Variants in BCL2L13 observed in about 807,000 individuals in gnomAD.
BCL2L13 encodes BCL2 like 13.
A neutral mutation model predicts 25.8 loss-of-function variants in BCL2L13; 13 were observed. That is an observed-to-expected ratio of 0.50 (90% CI 0.33 to 0.80). The LOEUF is 0.80. Among genes scored for constraint, BCL2L13 ranks in the 30% least tolerant of loss-of-function variants. BCL2L13 has a pLI of 0.02. For missense variants in BCL2L13, 504 were observed against 574.9 expected, an observed-to-expected ratio of 0.88 and a Z score of 1.26; for synonymous variants, 244 against 230.3, an observed-to-expected ratio of 1.06 and a Z score of -0.54.
chr22:17,714,311 G>T (rs1461252037), intron 6 of BCL2L13, among the ~76,000 whole-genome samples: 1 of 151,708 alleles, frequency 6.6e-6, no homozygotes, highest in Non-Finnish European at 1.5e-5. Context: ...AATTAGCCAG[G>T]TGTGATGGCG....
At chr22:17,646,972 T>C (rs1218797607) in intron 1 of BCL2L13, among the ~76,000 whole-genome samples, 7 of 112,474 alleles carry the variant, frequency 6.2e-5, no homozygotes, top group African/African-American at 2.2e-4. Flanking sequence ...TTTTTTTTTT[T>C]TTTTTTTCTT....
chr22:17,684,927 T>C (rs966683574), intron 3 of BCL2L13, among the ~76,000 whole-genome samples: 2 of 152,030 alleles, frequency 1.3e-5, no homozygotes, highest in Middle Eastern at 3.4e-3. Context: ...AGAGACGGGG[T>C]TTCAGCGTGT....
At chr22:17,710,205 G>A (rs1298868480) in intron 6 of BCL2L13, among the ~76,000 whole-genome samples, 1 of 151,962 alleles carries the variant, frequency 6.6e-6, no homozygotes, top group Non-Finnish European at 1.5e-5. Context: ...AATGTTCAGT[G>A]AATCTTCATT....
At chr22:17,668,740 C>T (rs1032873484) in intron 2 of BCL2L13, among the ~76,000 whole-genome samples, 2 of 152,204 alleles carry the variant, frequency 1.3e-5, no homozygotes, top group Admixed American at 1.3e-4. Flanking sequence ...GCTGGGATTA[C>T]AGACGTGAGC....
upstream of BCL2L13, chr22:17,638,280 G>C (rs1778660270): frequency 1.2e-5 from 2 of 165,352 alleles, no homozygotes; most frequent in Admixed American, 6.4e-5. Context: ...TCGCCTAGGA[G>C]GACCTCTCTA....
At chr22:17,630,219 A>G (rs1254666484) in intron 1 of BCL2L13, among the ~76,000 whole-genome samples, 1 of 144,474 alleles carries the variant, frequency 6.9e-6, no homozygotes, top group Non-Finnish European at 1.5e-5. Flanking sequence ...CTCCGTCTCA[A>G]AAAAACAAAA....
chr22:17,670,305 G>C (rs2059375645), intron 2 of BCL2L13, among the ~76,000 whole-genome samples: 1 of 150,436 alleles, frequency 6.6e-6, no homozygotes, highest in South Asian at 2.1e-4. Context: ...AAAAAACAGA[G>C]TTGGAATTTT....
At chr22:17,691,413 G>A (rs922208929) in intron 4 of BCL2L13, among the ~76,000 whole-genome samples, 6 of 152,168 alleles carry the variant, frequency 3.9e-5, no homozygotes, top group South Asian at 2.1e-4. Flanking sequence ...TGGGGAGGCC[G>A]AGGCGGGCGT....
At chr22:17,666,645 T>G (rs761375222) in intron 2 of BCL2L13, among the ~76,000 whole-genome samples, 7 of 151,720 alleles carry the variant, frequency 4.6e-5, no homozygotes, top group Non-Finnish European at 8.8e-5. Context: ...CTTCCAGTTC[T>G]ATCCATGTTG....
At chr22:17,635,200 C>A (rs1243943209), upstream of BCL2L13, among the ~76,000 whole-genome samples, 1 of 149,300 alleles carries the variant, frequency 6.7e-6, no homozygotes, top group Non-Finnish European at 1.5e-5. Context: ...CCAGCCTGGA[C>A]AACACAGCAA....
chr22:17,702,596 G>A, intron 6 of BCL2L13: 1 of 410,144 alleles, frequency 2.4e-6, no homozygotes, highest in Non-Finnish European at 4.3e-6. Flanking sequence ...GGGACTATAG[G>A]TGCCCACCAC....
intron 6 of BCL2L13, among the ~76,000 whole-genome samples, chr22:17,724,315 A>G (rs1477886315): frequency 6.6e-6 from 1 of 152,186 alleles, no homozygotes; most frequent in African/African-American, 2.4e-5. Context: ...AGTCATCCCC[A>G]TTTTATTTGT....
intron 2 of BCL2L13, among the ~76,000 whole-genome samples, chr22:17,664,200 G>T (rs192531624): frequency 1.2e-3 from 180 of 152,144 alleles, no homozygotes; most frequent in Admixed American, 7.5e-3. Context: ...TGGCCGGCTG[G>T]TCTCGAACTC....
intron 2 of BCL2L13, among the ~76,000 whole-genome samples, chr22:17,681,861 T>C (rs1360177367): frequency 6.6e-6 from 1 of 152,168 alleles, no homozygotes; most frequent in African/African-American, 2.4e-5. Context: ...TTGGTCACAT[T>C]TCTTCCCTGT....
chr22:17,640,366 CTT>C (rs1404934243), intron 1 of BCL2L13, among the ~76,000 whole-genome samples: 1 of 152,000 alleles, frequency 6.6e-6, no homozygotes, highest in Non-Finnish European at 1.5e-5. Flanking sequence ...GTTGGATTCA[CTT>C]TTTATTTTAT....
intron 6 of BCL2L13, among the ~76,000 whole-genome samples, chr22:17,721,178 A>T (rs77783459): frequency 0.23 from 34,076 of 151,374 alleles, 4,932 homozygotes; most frequent in African/African-American, 0.41. Flanking sequence ...TCAAAAAAAA[A>T]AAATATATAT....
chr22:17,696,258 G>A, intron 5 of BCL2L13, 48 bp downstream of exon 5: 1 of 1,455,252 alleles, frequency 6.9e-7, no homozygotes, highest in South Asian at 1.1e-5. Context: ...GTGTGTTAAT[G>A]ATAAGACGTA....
At chr22:17,648,915 A>G (rs943937404) in intron 1 of BCL2L13, among the ~76,000 whole-genome samples, 3 of 152,098 alleles carry the variant, frequency 2.0e-5, no homozygotes, top group African/African-American at 2.4e-5. Context: ...TTTGAATACA[A>G]CAAATTAGAG....
chr22:17,725,686 T>C (rs2061276018), intron 6 of BCL2L13, among the ~76,000 whole-genome samples: 1 of 152,178 alleles, frequency 6.6e-6, no homozygotes, highest in Admixed American at 6.5e-5. Context: ...CTGTTTTGCA[T>C]TAATTACTGC....
Sources: gnomAD v4.1 joint callset for allele counts (sites outside exome capture counted in the v4.1 genomes callset) on GRCh38, gnomAD v4.1.1 for gene constraint, MANE v1.5 for transcripts, NCBI Gene and HGNC (gene_info 2026-07-23, HGNC 2026-07-21) for gene names.